The following RAPGEF6 variants were observed in gnomAD, a reference collection of about 807,000 sequenced individuals.
The protein encoded by RAPGEF6 is PDZ domain containing guanine nucleotide exchange factor (GEF) 2.
A neutral mutation model predicts 171.4 loss-of-function variants in RAPGEF6; 56 were observed. The ratio of observed to expected loss-of-function variants is 0.33; its 90% CI spans 0.26 to 0.41. The LOEUF is 0.41. Ranked by LOEUF, RAPGEF6 falls within the 10% of genes least tolerant of loss-of-function variation. RAPGEF6 has a pLI of 1.00. For synonymous variants in RAPGEF6, 692 were observed against 650.1 expected, an observed-to-expected ratio of 1.06 and a Z score of -0.98; for missense variants, 1,674 against 1,921.4, an observed-to-expected ratio of 0.87 and a Z score of 2.41.
chr5:131,557,013 T>C (rs1761277182), intron 5 of RAPGEF6, among the ~76,000 whole-genome samples: 1 of 152,190 alleles, frequency 6.6e-6, no homozygotes, highest in African/African-American at 2.4e-5. Flanking sequence ...TGGAGTGCAG[T>C]GGCTATTCAC....
intron 12 of RAPGEF6, among the ~76,000 whole-genome samples, chr5:131,495,997 T>C (rs141488531): frequency 1.6e-3 from 250 of 152,312 alleles, no homozygotes; most frequent in African/African-American, 4.6e-3. Context: ...CAAAAATCCA[T>C]ACCGAAAGCG....
At chr5:131,621,119 A>G (rs1189067502) in intron 1 of RAPGEF6, among the ~76,000 whole-genome samples, 1 of 152,164 alleles carries the variant, frequency 6.6e-6, no homozygotes, top group Non-Finnish European at 1.5e-5. Context: ...CTTTCAAGAA[A>G]CACACCTTCC....
chr5:131,550,196 C>G (rs192516364), intron 5 of RAPGEF6, among the ~76,000 whole-genome samples: 107 of 152,276 alleles, frequency 7.0e-4, no homozygotes, highest in Middle Eastern at 3.4e-3. Context: ...GGTGATCCTG[C>G]TGCTTTAGGC....
At chr5:131,617,115 G>T (rs1580684936) in intron 1 of RAPGEF6, among the ~76,000 whole-genome samples, 1 of 152,176 alleles carries the variant, frequency 6.6e-6, no homozygotes, top group African/African-American at 2.4e-5. Context: ...TTATGCTGAG[G>T]AATCTTCTAC....
At chr5:131,500,634 G>A (rs972376988) in intron 11 of RAPGEF6, among the ~76,000 whole-genome samples, 2 of 152,060 alleles carry the variant, frequency 1.3e-5, no homozygotes, top group Non-Finnish European at 2.9e-5. Context: ...TATAGCACAT[G>A]CATATGTCTC....
intron 7 of RAPGEF6, among the ~76,000 whole-genome samples, chr5:131,512,278 C>T (rs745901796): frequency 3.3e-5 from 5 of 151,960 alleles, no homozygotes; most frequent in Non-Finnish European, 5.9e-5. Flanking sequence ...ACGGGGCAGA[C>T]GTACCTGCAA....
chr5:131,512,087 T>C (rs941341903), intron 7 of RAPGEF6, among the ~76,000 whole-genome samples: 1 of 151,970 alleles, frequency 6.6e-6, no homozygotes, highest in South Asian at 2.1e-4. Context: ...AGGAGGACAC[T>C]GAACAAGAGA....
chr5:131,450,059 G>A, intron 21 of RAPGEF6: 1 of 1,541,534 alleles, frequency 6.5e-7, no homozygotes, highest in Non-Finnish European at 8.7e-7. Context: ...GTAAGCAAGA[G>A]CCACAAACAT....
chr5:131,563,065 G>C (rs1339174358), intron 4 of RAPGEF6, among the ~76,000 whole-genome samples: 1 of 145,438 alleles, frequency 6.9e-6, no homozygotes, highest in African/African-American at 2.5e-5. Context: ...TTTTAATGAA[G>C]AATAAAAAAA....
chr5:131,451,782 A>G (rs1753092799), intron 21 of RAPGEF6, among the ~76,000 whole-genome samples: 1 of 152,174 alleles, frequency 6.6e-6, no homozygotes, highest in Non-Finnish European at 1.5e-5. Context: ...TCCTTAGCAC[A>G]GTATATTTTT....
At chr5:131,481,287 G>A (rs1755464352) in intron 15 of RAPGEF6, among the ~76,000 whole-genome samples, 1 of 151,678 alleles carries the variant, frequency 6.6e-6, no homozygotes, top group South Asian at 2.1e-4. Context: ...GTTCAGTGGT[G>A]TGATCAGGGC....
At chr5:131,476,470 A>T (rs1479933503) in intron 16 of RAPGEF6, among the ~76,000 whole-genome samples, 1 of 150,654 alleles carries the variant, frequency 6.6e-6, no homozygotes, top group Non-Finnish European at 1.5e-5. Context: ...TTTATTTATT[A>T]TTTTTTTGAG....
intron 14 of RAPGEF6, among the ~76,000 whole-genome samples, chr5:131,490,334 G>T (rs1756198015): frequency 6.6e-6 from 1 of 150,628 alleles, no homozygotes; most frequent in Admixed American, 6.6e-5. Flanking sequence ...ATTTCTAAAG[G>T]ATAAGAAAAA....
intron 4 of RAPGEF6, among the ~76,000 whole-genome samples, chr5:131,574,351 C>T (rs150112966): frequency 3.9e-5 from 6 of 152,150 alleles, no homozygotes; most frequent in Non-Finnish European, 5.9e-5. Context: ...ACTGCCCGAT[C>T]GCCTTGGAAG....
chr5:131,631,647 G>A (rs1044760582), intron 1 of RAPGEF6, among the ~76,000 whole-genome samples: 1 of 152,130 alleles, frequency 6.6e-6, no homozygotes, highest in Non-Finnish European at 1.5e-5. Flanking sequence ...CAGCAGCCAG[G>A]AGACTACCCA....
At chr5:131,548,302 C>T in intron 5 of RAPGEF6, 112 bp from the exon 6 acceptor site, 1 of 1,077,934 alleles carries the variant, frequency 9.3e-7, no homozygotes, top group Non-Finnish European at 1.3e-6. Flanking sequence ...TTACAAGAAA[C>T]TGCCTCAAGA....
intron 6 of RAPGEF6, among the ~76,000 whole-genome samples, chr5:131,540,373 C>T (rs1760053770): frequency 1.3e-5 from 2 of 152,210 alleles, no homozygotes; most frequent in South Asian, 2.1e-4. Context: ...TTAAGACTAG[C>T]CTGGGAAACA....
chr5:131,442,075 C>T (rs1267925069), intron 23 of RAPGEF6, among the ~76,000 whole-genome samples: 1 of 152,198 alleles, frequency 6.6e-6, no homozygotes, highest in Non-Finnish European at 1.5e-5. Flanking sequence ...CCTCTGAATG[C>T]AGTAAGCCCT....
intron 17 of RAPGEF6, among the ~76,000 whole-genome samples, chr5:131,468,227 G>A (rs1436730545): frequency 6.6e-6 from 1 of 150,984 alleles, no homozygotes; most frequent in African/African-American, 2.4e-5. Context: ...AGCTACTCGG[G>A]AGGCTGAGGC....
Sources: gnomAD v4.1 joint callset for allele counts (sites outside exome capture counted in the v4.1 genomes callset) on GRCh38, gnomAD v4.1.1 for gene constraint, MANE v1.5 for transcripts, NCBI Gene and HGNC (gene_info 2026-07-23, HGNC 2026-07-21) for gene names.